ASIC2: variants seen among roughly 807,000 people sequenced by gnomAD.
ASIC2 encodes acid-sensing ion channel 2.
A neutral mutation model predicts 57.3 loss-of-function variants in ASIC2; 25 were observed. The observed-to-expected ratio is 0.44, with a 90% CI of 0.32 to 0.61. The LOEUF is 0.61. Among genes scored for constraint, ASIC2 ranks in the 20% least tolerant of loss-of-function variants. ASIC2 has a pLI of 0.06. For missense variants in ASIC2, 641 were observed against 738.1 expected, an observed-to-expected ratio of 0.87 and a Z score of 1.52; for synonymous variants, 319 against 307.5, an observed-to-expected ratio of 1.04 and a Z score of -0.39.
intron 1 of ASIC2, among the ~76,000 whole-genome samples, chr17:33,822,886 A>C (rs1912789941): frequency 6.6e-6 from 1 of 152,240 alleles, no homozygotes; most frequent in South Asian, 2.1e-4. Flanking sequence ...ATGGTTGAAA[A>C]TGGAAAGCTT....
chr17:33,958,460 C>CTCCATTCTTG (rs1904812128), intron 1 of ASIC2, among the ~76,000 whole-genome samples: 1 of 152,092 alleles, frequency 6.6e-6, no homozygotes, highest in African/African-American at 2.4e-5. Context: ...GTTCCCAAAT[C>CTCCATTCTTG]TCAATTCTTG....
At chr17:33,037,927 GA>G (rs1383276518) in intron 3 of ASIC2, among the ~76,000 whole-genome samples, 2 of 152,220 alleles carry the variant, frequency 1.3e-5, no homozygotes, top group African/African-American at 4.8e-5. Context: ...GGGATGGGAA[GA>G]GAGAGAGATT....
chr17:33,749,553 C>G (rs1188484437), intron 1 of ASIC2, among the ~76,000 whole-genome samples: 1 of 152,062 alleles, frequency 6.6e-6, no homozygotes, highest in Non-Finnish European at 1.5e-5. Context: ...CAGTTTCATG[C>G]ACAGATCCTG....
At chr17:33,506,769 C>T (rs1336961217) in intron 1 of ASIC2, among the ~76,000 whole-genome samples, 2 of 152,176 alleles carry the variant, frequency 1.3e-5, no homozygotes, top group Admixed American at 6.5e-5. Flanking sequence ...TAAAATGGGG[C>T]TAATCATGTC....
chr17:33,933,049 T>C (rs1485033831), intron 1 of ASIC2, among the ~76,000 whole-genome samples: 2 of 152,178 alleles, frequency 1.3e-5, no homozygotes, highest in Non-Finnish European at 1.5e-5. Flanking sequence ...CTGGAGGCCT[T>C]GCACAGGCTG....
chr17:33,939,757 A>G (rs531054377), intron 1 of ASIC2, among the ~76,000 whole-genome samples: 1 of 152,326 alleles, frequency 6.6e-6, no homozygotes, highest in African/African-American at 2.4e-5. Flanking sequence ...ACTGTTGCCC[A>G]CGGCAGAGCA....
intron 1 of ASIC2, among the ~76,000 whole-genome samples, chr17:33,504,889 C>T (rs1289385537): frequency 6.6e-6 from 1 of 152,168 alleles, no homozygotes; most frequent in Non-Finnish European, 1.5e-5. Flanking sequence ...TAAATCTACC[C>T]TATCAGCCTT....
chr17:33,837,004 AACTGATC>A (rs1913294239), intron 1 of ASIC2, among the ~76,000 whole-genome samples: 1 of 152,220 alleles, frequency 6.6e-6, no homozygotes, highest in East Asian at 1.9e-4. Flanking sequence ...AATAAGTGCT[AACTGATC>A]ATTAAATTAT....
intron 1 of ASIC2, among the ~76,000 whole-genome samples, chr17:33,881,034 G>A (rs1423823677): frequency 6.6e-6 from 1 of 152,140 alleles, no homozygotes; most frequent in Admixed American, 6.6e-5. Flanking sequence ...AATAGATGCA[G>A]AAAAGGCCTT....
At chr17:34,123,094 G>A (rs1911673483) in intron 1 of ASIC2, among the ~76,000 whole-genome samples, 1 of 152,152 alleles carries the variant, frequency 6.6e-6, no homozygotes, top group Non-Finnish European at 1.5e-5. Flanking sequence ...CAAGTTGTCG[G>A]AAGACAAGTC....
intron 1 of ASIC2, among the ~76,000 whole-genome samples, chr17:33,736,308 C>A (rs773981371): frequency 6.6e-6 from 1 of 151,556 alleles, no homozygotes; most frequent in African/African-American, 2.4e-5. Context: ...CCCGAGGCAG[C>A]GATAAAAGCT....
intron 1 of ASIC2, among the ~76,000 whole-genome samples, chr17:33,573,256 A>G (rs1416644108): frequency 6.6e-6 from 1 of 152,260 alleles, no homozygotes; most frequent in Non-Finnish European, 1.5e-5. Flanking sequence ...CCACTAGACC[A>G]TTTAGAATAC....
At chr17:33,921,220 G>A (rs1355687353) in intron 1 of ASIC2, among the ~76,000 whole-genome samples, 1 of 152,132 alleles carries the variant, frequency 6.6e-6, no homozygotes, top group East Asian at 1.9e-4. Flanking sequence ...CTAGCTGTAT[G>A]ACTTGGGGCA....
intron 3 of ASIC2, among the ~76,000 whole-genome samples, chr17:33,071,637 T>C (rs1489179395): frequency 1.3e-5 from 2 of 152,224 alleles, no homozygotes; most frequent in Non-Finnish European, 2.9e-5. Context: ...CCAGATGTCA[T>C]GAATTTTAAC....
intron 1 of ASIC2, among the ~76,000 whole-genome samples, chr17:33,232,148 G>A (rs1908114548): frequency 6.6e-6 from 1 of 152,116 alleles, no homozygotes; most frequent in South Asian, 2.1e-4. Context: ...GTTTAGGTCA[G>A]GTCATGCGGG....
chr17:33,934,446 C>T (rs1916013803), intron 1 of ASIC2, among the ~76,000 whole-genome samples: 1 of 152,120 alleles, frequency 6.6e-6, no homozygotes, highest in African/African-American at 2.4e-5. Context: ...CCCCTGGTCT[C>T]GGGGAGTTCA....
At chr17:33,318,843 A>G (rs1906758135) in intron 1 of ASIC2, among the ~76,000 whole-genome samples, 1 of 152,150 alleles carries the variant, frequency 6.6e-6, no homozygotes, top group African/African-American at 2.4e-5. Flanking sequence ...TTTGAGCGGG[A>G]AAAAGCTGTT....
At chr17:34,067,986 T>C (rs1379922383) in intron 1 of ASIC2, among the ~76,000 whole-genome samples, 1 of 152,218 alleles carries the variant, frequency 6.6e-6, no homozygotes, top group East Asian at 1.9e-4. Flanking sequence ...CTACCACACA[T>C]ACATCTCTAT....
chr17:33,861,299 C>T (rs750924451), intron 1 of ASIC2, among the ~76,000 whole-genome samples: 5 of 152,086 alleles, frequency 3.3e-5, no homozygotes, highest in Non-Finnish European at 1.5e-5. Context: ...AAATGAAAAA[C>T]GCAGAGTTCA....
Sources: gnomAD v4.1 joint callset for allele counts (sites outside exome capture counted in the v4.1 genomes callset) on GRCh38, gnomAD v4.1.1 for gene constraint, MANE v1.5 for transcripts, NCBI Gene and HGNC (gene_info 2026-07-23, HGNC 2026-07-21) for gene names.